Variants in BLTP1 observed in about 807,000 individuals in gnomAD.
The protein encoded by BLTP1 is bridge-like lipid transfer protein family member 1.
the BLTP1 span, among the ~76,000 whole-genome samples, chr4:122,270,024 G>A: frequency 2.6e-5 from 4 of 151,786 alleles, no homozygotes; most frequent in Non-Finnish European, 4.4e-5. Context: ...TGCAATTGTG[G>A]ATTATTTTCA....
the BLTP1 span, among the ~76,000 whole-genome samples, chr4:122,293,847 C>G: frequency 5.3e-5 from 8 of 152,316 alleles, 1 homozygote; most frequent in African/African-American, 1.9e-4. Context: ...GAGCTGCCAT[C>G]TCTGCAGTTC....
the BLTP1 span, among the ~76,000 whole-genome samples, chr4:122,319,657 C>T: frequency 6.6e-6 from 1 of 151,372 alleles, no homozygotes. Context: ...TTCTCTCCCT[C>T]AGCCTCCCAA....
At chr4:122,278,888 T>G in the BLTP1 span, among the ~76,000 whole-genome samples, 1 of 152,226 alleles carries the variant, frequency 6.6e-6, no homozygotes, top group Non-Finnish European at 1.5e-5. Context: ...CACCTCACTT[T>G]CAAAGTGTTG....
the BLTP1 span, among the ~76,000 whole-genome samples, chr4:122,258,052 C>T: frequency 1.3e-5 from 2 of 152,124 alleles, no homozygotes; most frequent in Non-Finnish European, 2.9e-5. Context: ...AACTTTGGGG[C>T]CTGCGCTCAG....
the BLTP1 span, among the ~76,000 whole-genome samples, chr4:122,315,058 C>G: frequency 1.3e-5 from 2 of 152,132 alleles, no homozygotes; most frequent in East Asian, 1.9e-4. Context: ...AGTGGAGTCT[C>G]GTTTCTCCAC....
chr4:122,187,897 A>G, the BLTP1 span: 1 of 1,558,240 alleles, frequency 6.4e-7, no homozygotes, highest in Non-Finnish European at 8.6e-7. Flanking sequence ...TTTTTTAGGG[A>G]CGTTTGGCCT....
At chr4:122,163,973 C>T in the BLTP1 span, among the ~76,000 whole-genome samples, 1 of 152,178 alleles carries the variant, frequency 6.6e-6, no homozygotes, top group Non-Finnish European at 1.5e-5. Context: ...CCGCCCCTCC[C>T]TGCAATTCTA....
At chr4:122,250,505 G>A in the BLTP1 span, 2 of 1,613,630 alleles carry the variant, frequency 1.2e-6, no homozygotes, top group African/African-American at 1.3e-5. Context: ...TGTCTCTGAT[G>A]ATAATCTTCC....
At chr4:122,301,437 A>C in the BLTP1 span, 288 of 1,231,632 alleles carry the variant, frequency 2.3e-4, 1 homozygote, top group African/African-American at 3.9e-3. Flanking sequence ...AAATTTTTCT[A>C]ATCAATTAAT....
the BLTP1 span, among the ~76,000 whole-genome samples, chr4:122,352,224 A>T: frequency 6.6e-6 from 1 of 152,154 alleles, no homozygotes; most frequent in African/African-American, 2.4e-5. Flanking sequence ...TCTTCTGCTT[A>T]TTCACTTGAA....
At chr4:122,244,030 A>G in the BLTP1 span, 1 of 1,574,796 alleles carries the variant, frequency 6.4e-7, no homozygotes, top group South Asian at 1.2e-5. Flanking sequence ...TTAGACAGGT[A>G]TTGATTTTGT....
the BLTP1 span, among the ~76,000 whole-genome samples, chr4:122,329,719 C>A: frequency 6.6e-6 from 1 of 151,610 alleles, no homozygotes; most frequent in Non-Finnish European, 1.5e-5. Context: ...TTGATAAGTT[C>A]TTTAAATATT....
the BLTP1 span, chr4:122,269,100 A>G: frequency 2.1e-6 from 2 of 962,984 alleles, no homozygotes; most frequent in Non-Finnish European, 2.5e-6. Flanking sequence ...CTAGGGTTAA[A>G]ATATCTGAGC....
the BLTP1 span, chr4:122,177,995 G>T: frequency 2.4e-6 from 1 of 416,396 alleles, no homozygotes; most frequent in Non-Finnish European, 3.2e-6. Context: ...TGTATACTTG[G>T]TGTCTAGAAA....
chr4:122,286,419 A>G, the BLTP1 span: 1 of 1,480,074 alleles, frequency 6.8e-7, no homozygotes, highest in South Asian at 1.4e-5. Context: ...ATCCTTTCAT[A>G]TATTTCAAGA....
the BLTP1 span, among the ~76,000 whole-genome samples, chr4:122,319,935 GTTA>G: frequency 6.6e-6 from 1 of 152,104 alleles, no homozygotes; most frequent in Non-Finnish European, 1.5e-5. Context: ...AGAAGAATGT[GTTA>G]TTATGATGTT....
the BLTP1 span, among the ~76,000 whole-genome samples, chr4:122,338,725 T>G: frequency 6.6e-6 from 1 of 152,128 alleles, no homozygotes; most frequent in South Asian, 2.1e-4. Context: ...TGCGGGTTTT[T>G]CATCCCAAAT....
chr4:122,330,611 A>G, the BLTP1 span, among the ~76,000 whole-genome samples: 1 of 151,840 alleles, frequency 6.6e-6, no homozygotes, highest in South Asian at 2.1e-4. Flanking sequence ...ATACTTTGGG[A>G]ATTACTCCCT....
chr4:122,207,838 A>G, the BLTP1 span: 7 of 966,576 alleles, frequency 7.2e-6, no homozygotes, highest in African/African-American at 8.8e-5. Flanking sequence ...AAATTGGTCA[A>G]TTAAAAATAT....
Sources: allele counts gnomAD v4.1 joint callset (sites outside exome capture counted in the v4.1 genomes callset), GRCh38; gene constraint gnomAD v4.1.1; transcripts MANE v1.5; gene names NCBI Gene and HGNC (gene_info 2026-07-23, HGNC 2026-07-21).